The following KIF26B variants were observed in gnomAD, a reference collection of about 807,000 sequenced individuals.
The protein encoded by KIF26B is kinesin-like protein KIF26B.
Under a neutral mutation model 151.2 loss-of-function variants are expected in KIF26B, and 63 were observed. That is an observed-to-expected ratio of 0.42 (90% CI 0.34 to 0.51). KIF26B has a LOEUF of 0.51. Ranked by LOEUF, KIF26B falls within the 20% of genes least tolerant of loss-of-function variation. KIF26B has a pLI of 0.07. For synonymous variants in KIF26B, 1,357 were observed against 1,262.1 expected (o/e 1.08, Z -1.59); for missense variants, 2,813 against 2,913.6 (o/e 0.97, Z 0.79).
At chr1:245,652,396 G>C (rs1187114744) in intron 10 of KIF26B, among the ~76,000 whole-genome samples, 1 of 152,188 alleles carries the variant, frequency 6.6e-6, no homozygotes, top group African/African-American at 2.4e-5. Flanking sequence ...TTAGGATGCA[G>C]AGAATGTGAG....
rs533773411 is a variant in KIF26B, at chr1:245,517,935, C to T, written c.1167-22832C>T. 7.4e-5 allele frequency among the ~76,000 whole-genome samples: 11 copies of T among 149,340 alleles called. No homozygotes were observed. In the East Asian group the frequency reaches 9.9e-4, roughly 13 times the overall value. ...TCGCGCAGGCCGGAGTGCAGTGGCA[C>T]GATCTCGGCTCACTGCAACCTCCAC... is the stretch of plus-strand genomic sequence containing the variant. On this transcript the variant is annotated intron_variant, in intron 4 of 14. Coordinates refer to ENST00000407071, the MANE Select transcript of KIF26B (RefSeq NM_018012.4).
At chr1:245,206,134 C>T (rs1213428039) in intron 2 of KIF26B, among the ~76,000 whole-genome samples, 1 of 152,162 alleles carries the variant, frequency 6.6e-6, no homozygotes, top group Non-Finnish European at 1.5e-5. Flanking sequence ...CTTGGGTTCT[C>T]TTATATTTAC....
At chr1:245,254,968 A>T (rs1670506570) in intron 2 of KIF26B, among the ~76,000 whole-genome samples, 1 of 152,228 alleles carries the variant, frequency 6.6e-6, no homozygotes, top group Non-Finnish European at 1.5e-5. Context: ...GAAAGTTCAC[A>T]TGTTGGAAAC....
rs920888759 is a variant in KIF26B, at chr1:245,218,460, G to A, written c.465+61777G>A. ...CCATCTGAGAGATAAAAGAAGAGCA[G>A]AGGAGGGTGAGTGAGGAAAAAGCAG... On this transcript the variant is annotated intron_variant, in intron 2 of 14. Coordinates refer to ENST00000407071, the MANE Select transcript of KIF26B (RefSeq NM_018012.4). This position sits in a 1 kb window ranked among gnomAD's most constrained non-coding sequence, Gnocchi z 4.1. Among the ~76,000 whole-genome samples the A allele has an allele frequency of 6.6e-6, 1 of 152,218 alleles. No individual in the cohort carries two copies. The highest frequency in any genetic ancestry group is 6.5e-5 in the Admixed American group (1 of 15,288).
chr1:245,660,708 C>T (rs2044126891), intron 10 of KIF26B, among the ~76,000 whole-genome samples: 1 of 152,166 alleles, frequency 6.6e-6, no homozygotes, highest in African/African-American at 2.4e-5. Flanking sequence ...CCTTCTTGTT[C>T]TGTAAGCACC....
At chr1:245,441,944 G>C (rs1229156581) in intron 4 of KIF26B, among the ~76,000 whole-genome samples, 1 of 152,192 alleles carries the variant, frequency 6.6e-6, no homozygotes, top group South Asian at 2.1e-4. Flanking sequence ...CAGGGGAGGA[G>C]CCCTACTGCA....
intron 4 of KIF26B, among the ~76,000 whole-genome samples, chr1:245,491,769 G>A (rs993162938): frequency 3.3e-5 from 5 of 152,140 alleles, no homozygotes; most frequent in Admixed American, 6.5e-5. Flanking sequence ...TTACCCAGGC[G>A]TGGTGGCGGG....
chr1:245,583,571 C>T (rs936122082), intron 5 of KIF26B, among the ~76,000 whole-genome samples: 3 of 152,170 alleles, frequency 2.0e-5, no homozygotes, highest in East Asian at 1.9e-4. Context: ...AATGAGAGTT[C>T]GTTAAATCAG....
At position 245,284,481 on chromosome 1, in the gene KIF26B, A is replaced by G. The variant is rs553805511; in HGVS notation, c.466-82353A>G. Among the ~76,000 whole-genome samples the G allele has an allele frequency of 2.7e-3, 407 of 152,208 alleles. 4 individuals are homozygous for G. The highest frequency in any genetic ancestry group is 4.4e-3 in the Non-Finnish European group (297 of 68,000). On this transcript the variant is annotated intron_variant, in intron 2 of 14. Transcript: ENST00000407071. ...ACTCCAGCCCTAAACTCAGGCAGGCATTTCTTCATTTCATTTATTGCACCC... is the reference window on the plus strand; with the variant it reads ...ACTCCAGCCCTAAACTCAGGCAGGCGTTTCTTCATTTCATTTATTGCACCC...
At chr1:245,652,306 G>T (rs1447440893) in intron 10 of KIF26B, among the ~76,000 whole-genome samples, 14 of 152,028 alleles carry the variant, frequency 9.2e-5, no homozygotes, top group Non-Finnish European at 1.9e-4. Flanking sequence ...CAAAGTCTCA[G>T]GTTGCCAGGC....
At chr1:245,418,214 G>A (rs1426519860) in intron 3 of KIF26B, among the ~76,000 whole-genome samples, 2 of 152,228 alleles carry the variant, frequency 1.3e-5, no homozygotes, top group African/African-American at 4.8e-5. Context: ...AGCAAAGGAA[G>A]CCGGAGGAGA....
intron 4 of KIF26B, among the ~76,000 whole-genome samples, chr1:245,451,266 T>C (rs1372635259): frequency 6.6e-6 from 1 of 152,168 alleles, no homozygotes; most frequent in East Asian, 1.9e-4. Flanking sequence ...GTATTTTATG[T>C]ATTCAGATAG....
chr1:245,236,776 T>C (rs905699318), intron 2 of KIF26B, among the ~76,000 whole-genome samples: 5 of 152,208 alleles, frequency 3.3e-5, no homozygotes, highest in Non-Finnish European at 5.9e-5. Context: ...ATACTGAGTG[T>C]GTGTGGCCGT....
intron 2 of KIF26B, among the ~76,000 whole-genome samples, chr1:245,319,368 G>A (rs189389472): frequency 2.6e-5 from 4 of 152,336 alleles, no homozygotes; most frequent in East Asian, 3.9e-4. Flanking sequence ...AGCATTTGTC[G>A]TGGAGTCTTC....
At chr1:245,347,042 A>C (rs1273477389) in intron 2 of KIF26B, among the ~76,000 whole-genome samples, 1 of 152,168 alleles carries the variant, frequency 6.6e-6, no homozygotes, top group Non-Finnish European at 1.5e-5. Context: ...CCAGTTGCCC[A>C]TGTCCTCTGT....
intron 4 of KIF26B, among the ~76,000 whole-genome samples, chr1:245,451,313 G>C (rs1659384536): frequency 6.6e-6 from 1 of 151,952 alleles, no homozygotes; most frequent in African/African-American, 2.4e-5. Flanking sequence ...TAGAAATTCT[G>C]CAATTTGGGT....
chr1:245,338,512 G>A (rs1051539984), intron 2 of KIF26B, among the ~76,000 whole-genome samples: 3 of 152,180 alleles, frequency 2.0e-5, no homozygotes, highest in African/African-American at 7.2e-5. Context: ...GTTGGTTTGT[G>A]CTTATGTATA....
chr1:245,574,864 C>CTTTTTTTTTTTTTTTTTTT (rs201010492), intron 5 of KIF26B, among the ~76,000 whole-genome samples: 6 of 126,252 alleles, frequency 4.8e-5, no homozygotes, highest in East Asian at 2.2e-4. Flanking sequence ...TTTTTTTTTT[C>CTTTTTTTTTTTTTTTTTTT]TTTTTTTTTT....
At chr1:245,558,408 C>T (rs376982488) in intron 5 of KIF26B, among the ~76,000 whole-genome samples, 16 of 152,220 alleles carry the variant, frequency 1.1e-4, no homozygotes, top group Admixed American at 7.8e-4. Flanking sequence ...TTGACCTGCC[C>T]GGGCAGGGCC....
Sources: allele counts gnomAD v4.1 joint callset (sites outside exome capture counted in the v4.1 genomes callset), GRCh38; gene constraint gnomAD v4.1.1; non-coding constraint Gnocchi (gnomAD v3.1); transcripts MANE v1.5; gene names NCBI Gene and HGNC (gene_info 2026-07-23, HGNC 2026-07-21).